The following MED13 variants were observed in gnomAD, a reference collection of about 807,000 sequenced individuals.
The protein encoded by MED13 is mediator of RNA polymerase II transcription subunit 13.
Under a neutral mutation model 225.2 loss-of-function variants are expected in MED13, and 23 were observed. That is an observed-to-expected ratio of 0.10 (90% CI 0.07 to 0.14). The LOEUF is 0.14. Among genes scored for constraint, MED13 ranks in the 10% least tolerant of loss-of-function variants. MED13 has a pLI of 1.00. For synonymous variants in MED13, 942 were observed against 889.2 expected (o/e 1.06, Z -1.06); for missense variants, 2,197 against 2,594.5 (o/e 0.85, Z 3.33).
Position 61,961,065 on chromosome 17 carries a change from G to C in MED13, c.5282C>G (p.Ala1761Gly). 1 of 1,613,716 alleles carries C rather than the reference G, an allele frequency of 6.2e-7. No homozygotes were observed. The highest frequency in any genetic ancestry group is 8.5e-7 in the Non-Finnish European group (1 of 1,179,842). ...PDRPECIRLYAPPFILAPVKD... is the reference protein window; with the variant it reads ...PDRPECIRLYGPPFILAPVKD... ...CACTGGAGCCAGAATAAAAGGAGGTGCATAAAGTCGAATACACTCTGGTCT... is the reference window on the plus strand; with the variant it reads ...CACTGGAGCCAGAATAAAAGGAGGTCCATAAAGTCGAATACACTCTGGTCT... The change falls in exon 23 of 30, where the codon GCA becomes GGA. Residue 1761 changes from alanine (A) to glycine (G), a missense_variant. Physicochemically the swap from Ala to Gly is moderately conservative, Grantham distance 60. Coordinates refer to ENST00000397786, the MANE Select transcript of MED13 (RefSeq NM_005121.3).
At chr17:61,990,650 T>TATATATATATACATAC (rs1491124278) in intron 11 of MED13, among the ~76,000 whole-genome samples, 1 of 141,140 alleles carries the variant, frequency 7.1e-6, no homozygotes, top group African/African-American at 2.7e-5. Flanking sequence ...TATATATATA[T>TATATATATATACATAC]ACACACTCCC....
intron 8 of MED13, among the ~76,000 whole-genome samples, chr17:62,025,068 T>G (rs1048107892): frequency 6.6e-6 from 1 of 152,194 alleles, no homozygotes; most frequent in African/African-American, 2.4e-5. Context: ...GATTGCTCGG[T>G]CAAATGGTAG....
chr17:61,968,395 G>A, intron 17 of MED13, 137 bp from the exon 18 acceptor site: 4 of 588,886 alleles, frequency 6.8e-6, no homozygotes, highest in East Asian at 4.7e-5. Flanking sequence ...GCGCCATCTC[G>A]GCTCACTGCA....
chr17:61,959,862 G>T (rs1465852314), intron 23 of MED13, among the ~76,000 whole-genome samples: 2 of 151,382 alleles, frequency 1.3e-5, no homozygotes, highest in African/African-American at 4.9e-5. Flanking sequence ...CCGAGTAGCT[G>T]TGACTACAGG....
chr17:62,039,212 A>G (rs1185126653), intron 3 of MED13, among the ~76,000 whole-genome samples: 1 of 152,180 alleles, frequency 6.6e-6, no homozygotes. Flanking sequence ...CCCAATATAC[A>G]ATAGTCTGAT....
At chr17:61,955,264 C>G in intron 26 of MED13, 118 bp downstream of exon 26, 2 of 827,298 alleles carry the variant, frequency 2.4e-6, no homozygotes, top group Non-Finnish European at 3.5e-6. Context: ...CTTAACTTAT[C>G]ACATCTGCAA....
chr17:61,997,064 A>G (rs1347239639), intron 9 of MED13, among the ~76,000 whole-genome samples: 1 of 152,204 alleles, frequency 6.6e-6, no homozygotes, highest in African/African-American at 2.4e-5. Flanking sequence ...TAAGACAAAA[A>G]TTGTAAGATA....
intron 21 of MED13, among the ~76,000 whole-genome samples, chr17:61,962,505 G>GT (rs1431030870): frequency 4.6e-5 from 7 of 151,996 alleles, no homozygotes; most frequent in African/African-American, 1.7e-4. Context: ...GCTTATAAAA[G>GT]TAACACAGGA....
intron 8 of MED13, among the ~76,000 whole-genome samples, chr17:62,016,292 C>T (rs1016230710): frequency 6.6e-6 from 1 of 151,952 alleles, no homozygotes; most frequent in Non-Finnish European, 1.5e-5. Flanking sequence ...CTCACTACAG[C>T]CTCCCAGGTA....
chr17:61,950,435 G>A (rs1056591359), intron 28 of MED13, among the ~76,000 whole-genome samples: 1 of 151,624 alleles, frequency 6.6e-6, no homozygotes, highest in African/African-American at 2.4e-5. Context: ...CCAGGCTGGA[G>A]TGAAGTGGTA....
chr17:62,050,706 A>C lies in MED13; in HGVS notation c.470+1831T>G, dbSNP rs144012670. Reference sequence around the variant, plus strand: ...AATCTGTTTGACTTCTTAAAACTACATAAATCTATATGCCTGGCTGGGAGC... The same window carrying C: ...AATCTGTTTGACTTCTTAAAACTACCTAAATCTATATGCCTGGCTGGGAGC... On this transcript the variant is annotated intron_variant, in intron 3 of 29. Transcript: ENST00000397786. Among the ~76,000 whole-genome samples, 80 of 152,282 alleles carry C rather than the reference A, an allele frequency of 5.3e-4. 1 individual carries two copies. The highest frequency in any genetic ancestry group is 1.3e-3 in the African/African-American group (55 of 41,568).
rs781015693 is a variant in MED13 at position 62,010,865 on chromosome 17, G to A, written c.1652C>T (p.Thr551Ile). Residue 551 changes from threonine (T) to isoleucine (I), a missense_variant, in exon 9 of 30, where the codon ACA (threonine) becomes ATA (isoleucine). By Grantham distance (89) the Thr-to-Ile change is moderately conservative. Around this residue, in one of 12 missense-constraint regions of MED13, gnomAD observed 884 missense variants for 918.5 expected, o/e 0.96. Coordinates refer to ENST00000397786, the MANE Select transcript of MED13 (RefSeq NM_005121.3). ...ATGTTGACTCTGAGGAGTTGAAGGT[G>A]TTTTAGTCACTCCTTCATCAACCAC... is the stretch of plus-strand genomic sequence containing the variant. Reference protein sequence around the residue: ...CDVVDEGVTKTPSTPQSQHFY... With the variant: ...CDVVDEGVTKIPSTPQSQHFY... The A allele has an allele frequency of 1.9e-6, 3 of 1,614,238 alleles. No homozygotes were observed. In the Admixed American group the frequency reaches 5.0e-5, roughly 27 times the overall value.
intron 8 of MED13, among the ~76,000 whole-genome samples, chr17:62,016,172 C>CA (rs200481227): frequency 0.016 from 2,098 of 130,008 alleles, 57 homozygotes; most frequent in African/African-American, 0.056. Flanking sequence ...AAACCAAGAA[C>CA]AACAACAAAA....
intron 3 of MED13, among the ~76,000 whole-genome samples, chr17:62,048,398 CAAAAAAAAAAAAA>C (rs555420453): frequency 0.021 from 1,458 of 68,206 alleles, 39 homozygotes; most frequent in African/African-American, 0.069. Flanking sequence ...GAGACTGTTT[CAAAAAAAAAAAAA>C]AAAAAAAAAA....
chr17:61,957,969 A>C (rs1457318908), intron 23 of MED13, among the ~76,000 whole-genome samples: 1 of 151,692 alleles, frequency 6.6e-6, no homozygotes, highest in Non-Finnish European at 1.5e-5. Flanking sequence ...ATTTCACGCC[A>C]TTCTCCTGCC....
chr17:61,967,201 A>G (rs775166362), intron 18 of MED13, among the ~76,000 whole-genome samples: 4 of 152,200 alleles, frequency 2.6e-5, no homozygotes, highest in African/African-American at 4.8e-5. Flanking sequence ...TCTTTACTGT[A>G]AGAATTTCAA....
Position 62,031,487 on chromosome 17 carries a change from C to G in MED13, c.966G>C (p.Ser322=). The G allele has an allele frequency of 6.2e-7, 1 of 1,613,302 alleles. No homozygotes were observed. The highest frequency in any genetic ancestry group is 8.5e-7 in the Non-Finnish European group (1 of 1,179,628). ...PASTRDPAMS[S]VTLTPPTSPE... ...GAGACGTAGGTGGTGTAAGCGTAAC[C>G]GAAGACATAGCAGGATCTCTTGTGG... The change falls in exon 6 of 30, where the codon TCG becomes TCC. Residue 322 remains serine, a synonymous_variant. Coordinates refer to ENST00000397786, the MANE Select transcript of MED13 (RefSeq NM_005121.3).
chr17:62,029,860 G>A lies in MED13; in HGVS notation c.1163C>T (p.Ala388Val). 6.2e-7 allele frequency: 1 copy of A among 1,607,018 alleles called. No homozygotes were observed. Among genetic ancestry groups the A allele is most frequent in the East Asian group, 2.2e-5 (1 of 44,806 alleles). ...RVWQECNMNR[A>V]QNKRKYSASS... ...AAATGAAAATACACACTTGTTCTGTGCTCTGTTCATATTGCATTCTTGCCA... is the reference window on the plus strand; with the variant it reads ...AAATGAAAATACACACTTGTTCTGTACTCTGTTCATATTGCATTCTTGCCA... Residue 388 changes from alanine (A) to valine (V), a missense_variant, in exon 7 of 30, where the codon GCA becomes GTA. Physicochemically the swap from Ala to Val is moderately conservative, Grantham distance 64. Transcript: ENST00000397786.
chr17:61,965,028 G>A lies in MED13; in HGVS notation c.4822C>T (p.Pro1608Ser), dbSNP rs776783065. 1.4e-5 allele frequency: 22 copies of A among 1,614,010 alleles called. No homozygotes were observed. The African/African-American group carries it at 2.7e-4, about 20-fold the overall frequency. ...TACCTTTCAGACACATCAGGATGCG[G>A]CTGAGTGGGAAGTGAAGATGATTCT... ...SGESSSLPTQ[P>S]HPDVSESTMD... is the part of the protein sequence containing the mutation. Residue 1608 changes from proline (P) to serine (S), a missense_variant, in exon 20 of 30, where the codon CCG becomes TCG. Pro to Ser is a moderately conservative substitution (Grantham distance 74). Coordinates refer to ENST00000397786, the MANE Select transcript of MED13 (RefSeq NM_005121.3).
Sources: gnomAD v4.1 joint callset for allele counts (sites outside exome capture counted in the v4.1 genomes callset) on GRCh38, gnomAD v4.1.1 for gene constraint, gnomAD v4.1.1 regional missense constraint, MANE v1.5 for transcripts, NCBI Gene and HGNC (gene_info 2026-07-23, HGNC 2026-07-21) for gene names.